Variants in WHRN observed in about 807,000 individuals in gnomAD.
WHRN encodes whirlin.
In WHRN, 41 loss-of-function variants were observed where a neutral mutation model predicts 68.3. The ratio of observed to expected loss-of-function variants is 0.60; its 90% confidence interval spans 0.47 to 0.78. WHRN has a LOEUF of 0.78. WHRN is among the 30% of genes least tolerant of loss of function. The pLI is 0.00. For synonymous variants in WHRN, 560 were observed against 561.3 expected (o/e 1.00, Z 0.03); for missense variants, 1,243 against 1,244.7 (o/e 1.00, Z 0.02).
intron 3 of WHRN, among the ~76,000 whole-genome samples, chr9:114,440,627 A>T (rs1333206373): frequency 2.6e-5 from 4 of 152,260 alleles, no homozygotes; most frequent in African/African-American, 9.6e-5. Context: ...AAATATAAAC[A>T]AACATTAAAA....
rs767362940 is a variant in WHRN, at chr9:114,424,349, G to A, written c.1401C>T (p.Leu467=). The change falls in exon 6 of 12, where the codon CTC becomes CTT. Residue 467 remains leucine, a synonymous_variant. Transcript: ENST00000362057. ...EALVMALFKL[L]NTHAKFSLLS... ...CACGGGTCACCTTGGCGTGGGTGTT[G>A]AGCAGCTTGAACAGGGCCATGACGA... 6 of 1,612,276 alleles carry A rather than the reference G, an allele frequency of 3.7e-6. No individual in the cohort carries two copies. The highest frequency in any genetic ancestry group is 5.1e-6 in the Non-Finnish European group (6 of 1,180,014).
intron 3 of WHRN, among the ~76,000 whole-genome samples, chr9:114,430,294 A>C (rs952160508): frequency 6.6e-6 from 1 of 152,252 alleles, no homozygotes; most frequent in Non-Finnish European, 1.5e-5. Flanking sequence ...GCCCAGTTAA[A>C]CTTGAATTTC....
At chr9:114,441,756 T>C (rs1362056353) in intron 3 of WHRN, among the ~76,000 whole-genome samples, 1 of 152,230 alleles carries the variant, frequency 6.6e-6, no homozygotes, top group African/African-American at 2.4e-5. Context: ...AAAGCTCCTC[T>C]CTACAGTAAA....
chr9:114,441,215 T>C (rs1838346413), intron 3 of WHRN, among the ~76,000 whole-genome samples: 1 of 151,824 alleles, frequency 6.6e-6, no homozygotes, highest in African/African-American at 2.4e-5. Flanking sequence ...ATGTGTTAAT[T>C]GGCTATTGGT....
At chr9:114,497,838 C>T (rs1286000591) in intron 1 of WHRN, among the ~76,000 whole-genome samples, 2 of 152,124 alleles carry the variant, frequency 1.3e-5, no homozygotes, top group Non-Finnish European at 2.9e-5. Flanking sequence ...CCAAATGTTG[C>T]CACACCTAGT....
At chr9:114,475,185 A>G (rs887848411) in intron 2 of WHRN, among the ~76,000 whole-genome samples, 9 of 152,160 alleles carry the variant, frequency 5.9e-5, no homozygotes, top group Non-Finnish European at 1.0e-4. Context: ...AAGCAGAACC[A>G]AGGTTTGAAC....
chr9:114,426,195 A>C lies in WHRN; in HGVS notation c.1166+16T>G, dbSNP rs770968129. 6.2e-7 allele frequency: 1 copy of C among 1,611,910 alleles called. No homozygotes were observed. Among genetic ancestry groups the C allele is most frequent in the South Asian group, 1.1e-5 (1 of 90,998 alleles). ...GCCCTGGGGTCTGGAGATTGGAGCG[A>C]GCAGAGTGGCCAGACCCTGCCGAGT... On this transcript the variant is annotated intron_variant, in intron 4 of 11. Transcript: ENST00000362057.
intron 1 of WHRN, among the ~76,000 whole-genome samples, chr9:114,487,980 G>A (rs968419265): frequency 1.3e-5 from 2 of 152,172 alleles, no homozygotes; most frequent in African/African-American, 4.8e-5. Flanking sequence ...ATCATCTGGG[G>A]GCTAAATCTT....
chr9:114,468,227 A>G (rs1840891417), intron 2 of WHRN, among the ~76,000 whole-genome samples: 2 of 152,206 alleles, frequency 1.3e-5, no homozygotes, highest in Non-Finnish European at 2.9e-5. Context: ...AAGTGAGAGC[A>G]TGTGGCCACT....
At chr9:114,488,562 A>G (rs1206514124) in intron 1 of WHRN, among the ~76,000 whole-genome samples, 2 of 152,068 alleles carry the variant, frequency 1.3e-5, no homozygotes, top group Non-Finnish European at 2.9e-5. Flanking sequence ...GAGGGTTTTT[A>G]AAAAGGACAT....
intron 3 of WHRN, among the ~76,000 whole-genome samples, chr9:114,449,981 G>T (rs1221376474): frequency 2.6e-5 from 4 of 152,082 alleles, no homozygotes; most frequent in African/African-American, 9.7e-5. Context: ...CAGGAGCTTG[G>T]GAAGCACTGC....
At chr9:114,488,340 C>T (rs753242823) in intron 1 of WHRN, among the ~76,000 whole-genome samples, 4 of 152,060 alleles carry the variant, frequency 2.6e-5, no homozygotes, top group Non-Finnish European at 4.4e-5. Flanking sequence ...AAAATTACAG[C>T]GATGATGCCA....
At chr9:114,459,780 G>C (rs1840098328) in intron 3 of WHRN, among the ~76,000 whole-genome samples, 1 of 152,204 alleles carries the variant, frequency 6.6e-6, no homozygotes, top group African/African-American at 2.4e-5. Flanking sequence ...CCTTCATTAG[G>C]ACTGCCATAA....
At chr9:114,463,995 G>T (rs1840454993) in intron 3 of WHRN, among the ~76,000 whole-genome samples, 1 of 152,128 alleles carries the variant, frequency 6.6e-6, no homozygotes. Context: ...CTCACCAAAG[G>T]GTAAATGCTT....
chr9:114,403,606 G>A (rs1308102179), intron 10 of WHRN, among the ~76,000 whole-genome samples: 1 of 152,338 alleles, frequency 6.6e-6, no homozygotes, highest in Non-Finnish European at 1.5e-5. Flanking sequence ...GCCTGACTCC[G>A]AAGACTGTCT....
chr9:114,474,097 C>T (rs1312471333), intron 2 of WHRN, among the ~76,000 whole-genome samples: 1 of 152,174 alleles, frequency 6.6e-6, no homozygotes, highest in Non-Finnish European at 1.5e-5. Flanking sequence ...CATTTCAAGC[C>T]ATTTCAAAGA....
chr9:114,463,950 C>G (rs1249226753), intron 3 of WHRN, among the ~76,000 whole-genome samples: 1 of 152,116 alleles, frequency 6.6e-6, no homozygotes, highest in Non-Finnish European at 1.5e-5. Flanking sequence ...CTGTGCAACT[C>G]TCCGAGCCTC....
intron 1 of WHRN, among the ~76,000 whole-genome samples, chr9:114,482,657 G>A (rs10817623): frequency 0.43 from 64,816 of 151,620 alleles, 14,144 homozygotes; most frequent in Middle Eastern, 0.5. Context: ...AAAACCATGC[G>A]GTAGCAAAAC....
chr9:114,499,383 A>G (rs1255245888), intron 1 of WHRN, among the ~76,000 whole-genome samples: 1 of 152,220 alleles, frequency 6.6e-6, no homozygotes, highest in Non-Finnish European at 1.5e-5. Context: ...GGAATTTAAA[A>G]AAGAAGTCAG....
Sources: gnomAD v4.1 joint callset for allele counts (sites outside exome capture counted in the v4.1 genomes callset) on GRCh38, gnomAD v4.1.1 for gene constraint, MANE v1.5 for transcripts, NCBI Gene and HGNC (gene_info 2026-07-23, HGNC 2026-07-21) for gene names.